ZCWPW2: variants seen among roughly 807,000 people sequenced by gnomAD.
ZCWPW2 encodes the protein zinc finger CW-type and PWWP domain containing 2.
In ZCWPW2, 45 loss-of-function variants were observed where a neutral mutation model predicts 46.6. The observed-to-expected ratio is 0.96, with a 90% CI of 0.76 to 1.24. ZCWPW2 has a LOEUF of 1.24. Among genes scored for constraint, ZCWPW2 ranks in the 50% most tolerant of loss-of-function variants. The pLI, the probability that ZCWPW2 is intolerant of heterozygous loss-of-function variation, is 0.00. For synonymous variants in ZCWPW2, 152 were observed against 137.1 expected (o/e 1.11, Z -0.76); for missense variants, 429 against 403.9 (o/e 1.06, Z -0.53).
chr3:28,411,740 C>T (rs1455075744), intron 2 of ZCWPW2, among the ~76,000 whole-genome samples: 1 of 151,978 alleles, frequency 6.6e-6, no homozygotes, highest in Admixed American at 6.6e-5. Context: ...ATCCACATTG[C>T]GTTTTTGCCT....
chr3:28,397,698 A>G (rs900065815), intron 2 of ZCWPW2, among the ~76,000 whole-genome samples: 1 of 152,206 alleles, frequency 6.6e-6, no homozygotes, highest in African/African-American at 2.4e-5. Flanking sequence ...AAATAAAAAT[A>G]ACATGTATGT....
chr3:28,498,917 G>A (rs1700071487), intron 6 of ZCWPW2, among the ~76,000 whole-genome samples: 1 of 152,024 alleles, frequency 6.6e-6, no homozygotes, highest in South Asian at 2.1e-4. Flanking sequence ...CTGTTCCTGT[G>A]TTAGTTTGCT....
At chr3:28,441,015 T>C (rs1299205818) in intron 4 of ZCWPW2, among the ~76,000 whole-genome samples, 2 of 152,170 alleles carry the variant, frequency 1.3e-5, no homozygotes, top group African/African-American at 4.8e-5. Context: ...AGGTCACCCT[T>C]GGTGAGTGGA....
chr3:28,429,632 G>C (rs1214554440), intron 3 of ZCWPW2, among the ~76,000 whole-genome samples: 1 of 152,196 alleles, frequency 6.6e-6, no homozygotes, highest in Non-Finnish European at 1.5e-5. Flanking sequence ...AATGTCTCCA[G>C]GGCATATCAG....
chr3:28,437,036 T>C (rs1697527649), intron 4 of ZCWPW2, among the ~76,000 whole-genome samples: 1 of 152,184 alleles, frequency 6.6e-6, no homozygotes, highest in African/African-American at 2.4e-5. Context: ...TCCTATATCC[T>C]CAAATGCTGT....
intron 4 of ZCWPW2, among the ~76,000 whole-genome samples, chr3:28,470,333 T>C (rs1284790851): frequency 6.6e-6 from 1 of 151,588 alleles, no homozygotes; most frequent in Non-Finnish European, 1.5e-5. Flanking sequence ...CCCATCTCTA[T>C]GAAAAATACA....
Position 28,500,986 on chromosome 3 carries a change from T to C in ZCWPW2, c.657+8813T>C, listed in dbSNP as rs185729571. Among the ~76,000 whole-genome samples, 379 of 152,280 alleles carry C rather than the reference T, an allele frequency of 2.5e-3. 1 individual carries two copies. The highest frequency in any genetic ancestry group is 8.3e-3 in the African/African-American group (346 of 41,552). On this transcript the variant is annotated intron_variant, in intron 6 of 9. Transcript: ENST00000383768. The stretch of plus-strand genomic sequence containing the variant: ...CATTCACCTTTCCATAGGCCAGTGT[T>C]CCCCAGACTTGAATCATTCAGGTAT...
chr3:28,398,484 G>A (rs1695791788), intron 2 of ZCWPW2, among the ~76,000 whole-genome samples: 1 of 152,152 alleles, frequency 6.6e-6, no homozygotes, highest in Admixed American at 6.5e-5. Flanking sequence ...AGTGTGCGGA[G>A]GCTCACATCA....
chr3:28,416,957 G>A (rs1027394439), intron 3 of ZCWPW2, among the ~76,000 whole-genome samples: 1 of 148,942 alleles, frequency 6.7e-6, no homozygotes, highest in African/African-American at 2.5e-5. Flanking sequence ...TGTTCATCAA[G>A]GATATTGGTC....
In ZCWPW2 at chr3:28,437,163, A is replaced by C. The variant is rs562048139; in HGVS notation, c.492+1894A>C. Among the ~76,000 whole-genome samples the C allele has an allele frequency of 2.0e-5, 3 of 152,254 alleles. No individual in the cohort carries two copies. The East Asian group carries it at 5.8e-4, about 29-fold the overall frequency. Reference sequence around the variant, plus strand: ...ATTTAGACAATGTAGAGTTTTAAAAATTTTTTTCTAGAGGAGAAGTATGTA... The same window carrying C: ...ATTTAGACAATGTAGAGTTTTAAAACTTTTTTTCTAGAGGAGAAGTATGTA... On this transcript the variant is annotated intron_variant, in intron 4 of 9. Transcript: ENST00000383768.
At position 28,374,390 on chromosome 3, in the gene ZCWPW2, T is replaced by G. The variant is rs140126657; in HGVS notation, c.-133-16108T>G. Among the ~76,000 whole-genome samples the G allele has an allele frequency of 2.5e-3, 386 of 152,300 alleles. 1 individual carries two copies. The highest frequency in any genetic ancestry group is 8.4e-3 in the African/African-American group (350 of 41,566). On this transcript the variant is annotated intron_variant, in intron 1 of 9. Transcript: ENST00000383768. Reference sequence around the variant, plus strand: ...TGGCTTTGGTTACTTTGGCTTTGTATAGTATATTTTGAACTCAGGTAATGT... The same window carrying G: ...TGGCTTTGGTTACTTTGGCTTTGTAGAGTATATTTTGAACTCAGGTAATGT...
rs1016012881 is a variant in ZCWPW2, at chr3:28,466,292, T to C, written c.493-12522T>C. On this transcript the variant is annotated intron_variant, in intron 4 of 9. Coordinates refer to ENST00000383768, the MANE Select transcript of ZCWPW2 (RefSeq NM_001040432.4). Reference sequence around the variant, plus strand: ...TACACCAAACCCACATAACACACAATTTACCCATGTAATGGACCTGAACAT... The same window carrying C: ...TACACCAAACCCACATAACACACAACTTACCCATGTAATGGACCTGAACAT... Among the ~76,000 whole-genome samples the C allele has an allele frequency of 2.0e-5, 3 of 151,944 alleles. No individual in the cohort carries two copies. In the East Asian group the frequency reaches 5.8e-4, roughly 29 times the overall value.
intron 1 of ZCWPW2, among the ~76,000 whole-genome samples, chr3:28,380,603 C>T (rs1407003303): frequency 6.6e-6 from 1 of 152,052 alleles, no homozygotes; most frequent in Non-Finnish European, 1.5e-5. Flanking sequence ...TGTCTTCATT[C>T]CTGAAAATTC....
chr3:28,438,110 G>A (rs568272507), intron 4 of ZCWPW2, among the ~76,000 whole-genome samples: 45 of 152,314 alleles, frequency 3.0e-4, no homozygotes, highest in African/African-American at 1.1e-3. Context: ...ATAGCTTACA[G>A]GAGCTGAGGT....
At chr3:28,523,119 G>C in intron 9 of ZCWPW2, among the ~76,000 whole-genome samples, 1 of 152,138 alleles carries the variant, frequency 6.6e-6, no homozygotes, top group Non-Finnish European at 1.5e-5. Context: ...GCAGGAGACT[G>C]CTTGTTGTTT....
chr3:28,492,202 T>C (rs770181145), intron 6 of ZCWPW2, 29 bp downstream of exon 6: 2 of 1,558,368 alleles, frequency 1.3e-6, no homozygotes, highest in Non-Finnish European at 1.7e-6. Flanking sequence ...ATATAAAATA[T>C]ACAAACTTCA....
intron 2 of ZCWPW2, among the ~76,000 whole-genome samples, chr3:28,397,352 C>A (rs576281508): frequency 6.6e-6 from 1 of 151,810 alleles, no homozygotes. Context: ...TTAATTTTTT[C>A]AAATTCTGCT....
At chr3:28,443,405 C>G (rs772838875) in intron 4 of ZCWPW2, among the ~76,000 whole-genome samples, 1 of 152,112 alleles carries the variant, frequency 6.6e-6, no homozygotes, top group African/African-American at 2.4e-5. Flanking sequence ...TAAACTGGCT[C>G]AAGTCTGGAA....
At chr3:28,385,038 A>T (rs932358409) in intron 1 of ZCWPW2, among the ~76,000 whole-genome samples, 25 of 152,188 alleles carry the variant, frequency 1.6e-4, no homozygotes, top group African/African-American at 6.0e-4. Context: ...TTAAGATTAA[A>T]CTTTATTTTT....
Sources: allele counts gnomAD v4.1 joint callset (sites outside exome capture counted in the v4.1 genomes callset), GRCh38; gene constraint gnomAD v4.1.1; transcripts MANE v1.5; gene names NCBI Gene and HGNC (gene_info 2026-07-23, HGNC 2026-07-21).